Variants in NAV2 observed in about 807,000 individuals in gnomAD.
The protein encoded by NAV2 is helicase, APC down-regulated 1.
A neutral mutation model predicts 223.2 loss-of-function variants in NAV2; 54 were observed. The observed-to-expected ratio is 0.24, with a 90% CI of 0.19 to 0.30. NAV2 has a LOEUF of 0.30. Among genes scored for constraint, NAV2 ranks in the 10% least tolerant of loss-of-function variants. The pLI is 1.00. For missense variants in NAV2, 2,806 were observed against 3,147.5 expected, an observed-to-expected ratio of 0.89 and a Z score of 2.60; for synonymous variants, 1,279 against 1,239.3, an observed-to-expected ratio of 1.03 and a Z score of -0.67.
chr11:19,974,963 G>A (rs79495708), intron 10 of NAV2, among the ~76,000 whole-genome samples: 1,540 of 152,280 alleles, frequency 0.01, 29 homozygotes, highest in African/African-American at 0.032. Flanking sequence ...ATTTTGGTCA[G>A]GCTCTCCAGA....
chr11:19,536,755 A>G (rs2044200383), intron 1 of NAV2, among the ~76,000 whole-genome samples: 2 of 152,312 alleles, frequency 1.3e-5, no homozygotes, highest in South Asian at 2.1e-4. Context: ...GCCGAAGTCT[A>G]AGATTATCCA....
intron 1 of NAV2, among the ~76,000 whole-genome samples, chr11:19,761,054 A>G (rs1025828868): frequency 6.6e-6 from 1 of 152,148 alleles, no homozygotes; most frequent in African/African-American, 2.4e-5. Flanking sequence ...CCCTTTGTTG[A>G]GATGGAGGCC....
chr11:19,776,684 T>TGTGTGTGTG (rs2056239986), intron 1 of NAV2, among the ~76,000 whole-genome samples: 1 of 78,736 alleles, frequency 1.3e-5, no homozygotes, highest in Non-Finnish European at 3.2e-5. Context: ...GTGGTTAGAG[T>TGTGTGTGTG]TGTGGGGGTC....
At chr11:19,594,719 C>T (rs1290994222) in intron 1 of NAV2, among the ~76,000 whole-genome samples, 2 of 152,172 alleles carry the variant, frequency 1.3e-5, no homozygotes, top group African/African-American at 2.4e-5. Flanking sequence ...TGGTAACACT[C>T]ATGGGTTCAG....
At chr11:19,955,083 G>A (rs540517907) in intron 10 of NAV2, among the ~76,000 whole-genome samples, 1 of 152,140 alleles carries the variant, frequency 6.6e-6, no homozygotes, top group East Asian at 1.9e-4. Context: ...GGCTGGCACT[G>A]TGCCTGCCTG....
At chr11:19,824,703 C>T (rs2059559739) in intron 1 of NAV2, among the ~76,000 whole-genome samples, 1 of 152,158 alleles carries the variant, frequency 6.6e-6, no homozygotes, top group African/African-American at 2.4e-5. Context: ...ATTTCGGTTT[C>T]CTCACCCCAT....
intron 6 of NAV2, among the ~76,000 whole-genome samples, chr11:19,930,973 A>G (rs1447401642): frequency 6.6e-6 from 1 of 152,230 alleles, no homozygotes; most frequent in Admixed American, 6.5e-5. Flanking sequence ...GGCTGTTTAC[A>G]TGCATTCTTC....
intron 1 of NAV2, among the ~76,000 whole-genome samples, chr11:19,567,432 T>C (rs2045301691): frequency 6.6e-6 from 1 of 152,244 alleles, no homozygotes; most frequent in South Asian, 2.1e-4. Flanking sequence ...GCAGATTTAT[T>C]TCTGTAATGT....
chr11:19,805,255 C>A (rs928506961), intron 1 of NAV2, among the ~76,000 whole-genome samples: 2 of 152,272 alleles, frequency 1.3e-5, no homozygotes, highest in African/African-American at 4.8e-5. Flanking sequence ...TATGTAGCAC[C>A]ACTTACATTT....
chr11:19,550,570 A>G (rs1590490225), intron 1 of NAV2, among the ~76,000 whole-genome samples: 1 of 152,358 alleles, frequency 6.6e-6, no homozygotes, highest in South Asian at 2.1e-4. Flanking sequence ...GCAGCATTGC[A>G]AGCAGCATTG....
At position 20,044,992 on chromosome 11, in the gene NAV2, C is replaced by T; in HGVS notation, c.3224C>T (p.Ser1075Phe). Residue 1075 changes from serine (S) to phenylalanine (F), a missense_variant, in exon 14 of 38, where the codon TCT becomes TTT. By Grantham distance (155) the Ser-to-Phe change is radical. Around this residue, in one of 4 missense-constraint regions of NAV2, gnomAD observed 742 missense variants for 777.9 expected, o/e 0.95. Coordinates refer to ENST00000349880, the MANE Select transcript of NAV2 (RefSeq NM_145117.5). ...GTGKTDDAKV[S>F]EKGRLSPKAS... ...GGAAAAACAGACGACGCAAAGGTGTCTGAGAAAGGAAGGCTTTCTCCTAAA... is the reference window on the plus strand; with the variant it reads ...GGAAAAACAGACGACGCAAAGGTGTTTGAGAAAGGAAGGCTTTCTCCTAAA... 1 of 1,612,416 alleles carries T rather than the reference C, an allele frequency of 6.2e-7. No individual in the cohort carries two copies. The highest frequency in any genetic ancestry group is 8.5e-7 in the Non-Finnish European group (1 of 1,179,492).
intron 1 of NAV2, among the ~76,000 whole-genome samples, chr11:19,644,565 T>G (rs1476274223): frequency 6.6e-6 from 1 of 152,234 alleles, no homozygotes; most frequent in East Asian, 1.9e-4. Context: ...GTTCCTTTGC[T>G]TTGAGGATCC....
intron 2 of NAV2, among the ~76,000 whole-genome samples, chr11:19,835,855 A>G (rs916168981): frequency 6.6e-6 from 1 of 152,138 alleles, no homozygotes; most frequent in African/African-American, 2.4e-5. Context: ...ACAGAATTCT[A>G]GTGGCTATAC....
At chr11:19,722,349 G>T (rs2050812877) in intron 1 of NAV2, among the ~76,000 whole-genome samples, 1 of 152,146 alleles carries the variant, frequency 6.6e-6, no homozygotes, top group African/African-American at 2.4e-5. Flanking sequence ...CTCTGACTGA[G>T]CCCTGCTGGT....
At chr11:19,480,047 A>C (rs1590292618) in intron 1 of NAV2, among the ~76,000 whole-genome samples, 1 of 152,342 alleles carries the variant, frequency 6.6e-6, no homozygotes, top group East Asian at 1.9e-4. Flanking sequence ...AGGACAGTAG[A>C]ACTGAGTAGT....
intron 1 of NAV2, among the ~76,000 whole-genome samples, chr11:19,394,363 G>T (rs982555998): frequency 7.9e-5 from 12 of 152,200 alleles, no homozygotes; most frequent in African/African-American, 2.9e-4. Flanking sequence ...AAAAGAGACT[G>T]TTTCCAGGGT....
intron 19 of NAV2, among the ~76,000 whole-genome samples, chr11:20,059,892 A>G (rs2058599227): frequency 6.6e-6 from 1 of 152,170 alleles, no homozygotes; most frequent in African/African-American, 2.4e-5. Flanking sequence ...ACATTGCACA[A>G]CCTAGGCTCT....
At chr11:19,501,608 T>C (rs1236965212) in intron 1 of NAV2, among the ~76,000 whole-genome samples, 1 of 152,036 alleles carries the variant, frequency 6.6e-6, no homozygotes, top group African/African-American at 2.4e-5. Context: ...TAAAATCACT[T>C]ATTGCTAGCT....
Position 19,948,787 on chromosome 11 carries a change from A to G in NAV2, c.2352A>G (p.Arg784=), listed in dbSNP as rs1337235766. 3.7e-6 allele frequency: 6 copies of G among 1,613,944 alleles called. No individual in the cohort carries two copies. The South Asian group carries it at 6.6e-5, about 18-fold the overall frequency. Residue 784 remains arginine (R), a synonymous_variant, in exon 10 of 38, where the codon AGA becomes AGG. Transcript: ENST00000349880. ...GGAGGCCCACACCTCTGTCCTGGAG[A>G]CTGGGCCAGTCCAGCCCTCGGCTCC... The part of the protein sequence containing the change: ...LTGRPTPLSW[R]LGQSSPRLQA...
Sources: allele counts gnomAD v4.1 joint callset (sites outside exome capture counted in the v4.1 genomes callset), GRCh38; gene constraint gnomAD v4.1.1; regional missense constraint gnomAD v4.1.1; transcripts MANE v1.5; gene names NCBI Gene and HGNC (gene_info 2026-07-23, HGNC 2026-07-21).